Variants in TIA1 observed in about 807,000 individuals in gnomAD.
TIA1 encodes cytotoxic granule associated RNA binding protein TIA1.
TIA1 carries 23 observed loss-of-function variants against 65.9 expected under a neutral mutation model. The observed-to-expected ratio is 0.35, with a 90% CI of 0.25 to 0.49. TIA1 has a LOEUF of 0.49. Ranked by LOEUF, TIA1 falls within the 20% of genes least tolerant of loss-of-function variation. The probability of loss-of-function intolerance (pLI) is 0.98; values close to 1 mark genes in which losing one functional copy is unlikely to be tolerated. For synonymous variants in TIA1, 147 were observed against 149.4 expected (o/e 0.98, Z 0.12); for missense variants, 371 against 477.9 (o/e 0.78, Z 2.09).
chr2:70,233,519 A>G (rs1306754994), intron 2 of TIA1, among the ~76,000 whole-genome samples: 1 of 152,198 alleles, frequency 6.6e-6, no homozygotes, highest in African/African-American at 2.4e-5. Flanking sequence ...CTGTAATCCC[A>G]GCACTTTGGG....
intron 2 of TIA1, among the ~76,000 whole-genome samples, chr2:70,235,569 T>TGTGTGTGC (rs1688515425): frequency 6.6e-6 from 1 of 151,806 alleles, no homozygotes; most frequent in African/African-American, 2.4e-5. Flanking sequence ...TGTGTGTGTG[T>TGTGTGTGC]GTATGTGTGT....
chr2:70,245,852 CAG>C, intron 1 of TIA1, among the ~76,000 whole-genome samples: 1 of 151,460 alleles, frequency 6.6e-6, no homozygotes, highest in Middle Eastern at 3.4e-3. Context: ...GATAAAAATT[CAG>C]ACTCTATTTT....
At chr2:70,236,292 G>T in intron 1 of TIA1, 117 bp from the exon 2 acceptor site, 1 of 591,466 alleles carries the variant, frequency 1.7e-6, no homozygotes, top group Non-Finnish European at 3.0e-6. Flanking sequence ...TCCGCCTCCA[G>T]GGTTCAAGTG....
At chr2:70,243,945 T>C (rs535142817) in intron 1 of TIA1, among the ~76,000 whole-genome samples, 5 of 152,346 alleles carry the variant, frequency 3.3e-5, no homozygotes, top group Admixed American at 1.3e-4. Context: ...AAGGTTAAGA[T>C]AGGCTATACC....
Position 70,216,003 on chromosome 2 carries a change from C to T in TIA1, c.764+205G>A, listed in dbSNP as rs574265192. On this transcript the variant is annotated intron_variant, in intron 10 of 12. Coordinates refer to ENST00000433529, the MANE Select transcript of TIA1 (RefSeq NM_022173.4). ...ACTCATGACGGTGATCCACCCGTCTCGGCCTCCCAAAGTGCTGGGAATACA... is the reference window on the plus strand; with the variant it reads ...ACTCATGACGGTGATCCACCCGTCTTGGCCTCCCAAAGTGCTGGGAATACA... 120 of 524,522 alleles carry T rather than the reference C, an allele frequency of 2.3e-4. No homozygotes were observed. The East Asian group carries it at 3.9e-3, about 17-fold the overall frequency. 32.5% of individuals were successfully genotyped at this position (524,522 alleles called of 1,614,324 possible). A position where few individuals can be genotyped will look rare whatever the true frequency, so the allele number is the denominator to read the frequency against.
chr2:70,214,417 A>T lies in TIA1; in HGVS notation c.966T>A (p.Tyr322Ter). 1 of 1,614,092 alleles carries T rather than the reference A, an allele frequency of 6.2e-7. No homozygotes were observed. The highest frequency in any genetic ancestry group is 8.5e-7 in the Non-Finnish European group (1 of 1,179,996). ...CAGGAACTTGCCAACCATTAGGCAT[A>T]TACTGGCCAATTTGTTGTGCATTTC... The part of the protein sequence containing the change: ...WYGNAQQIGQ[Y>*]MPNGWQVPAY... Residue 322 changes from tyrosine to a stop codon, truncating the protein, a stop_gained, in exon 12 of 13, where the codon TAT becomes TAA. Transcript: ENST00000433529. LOFTEE classifies it high-confidence loss of function.
intron 7 of TIA1, among the ~76,000 whole-genome samples, chr2:70,218,687 C>A (rs1391623949): frequency 6.6e-6 from 1 of 152,228 alleles, no homozygotes; most frequent in African/African-American, 2.4e-5. Context: ...CCTGCCTTGG[C>A]TTCCCAAAGT....
At chr2:70,223,914 A>G (rs999731069) in intron 7 of TIA1, among the ~76,000 whole-genome samples, 2 of 151,042 alleles carry the variant, frequency 1.3e-5, no homozygotes, top group African/African-American at 4.9e-5. Flanking sequence ...CCATCACAGT[A>G]TTTTTATTTA....
chr2:70,225,076 T>C, intron 6 of TIA1: 1 of 986,294 alleles, frequency 1.0e-6, no homozygotes, highest in Non-Finnish European at 1.2e-6. Context: ...AAGTTGTATA[T>C]TCCCTAAACT....
At chr2:70,246,308 T>C (rs1301147623) in intron 1 of TIA1, among the ~76,000 whole-genome samples, 1 of 152,232 alleles carries the variant, frequency 6.6e-6, no homozygotes, top group Non-Finnish European at 1.5e-5. Flanking sequence ...GTGTTTTTAA[T>C]GTGCTAAGAA....
chr2:70,241,658 G>C (rs186909418), intron 1 of TIA1, among the ~76,000 whole-genome samples: 1 of 151,820 alleles, frequency 6.6e-6, no homozygotes, highest in Admixed American at 6.6e-5. Flanking sequence ...CCAAAGTGTC[G>C]GTAGGGTGTG....
Position 70,212,687 on chromosome 2 carries a change from A to C in TIA1, c.*32T>G. 1 of 1,419,906 alleles carries C rather than the reference A, an allele frequency of 7.0e-7. No homozygotes were observed. The highest frequency in any genetic ancestry group is 1.0e-6 in the Non-Finnish European group (1 of 1,003,002). The allele number at this position is 1,419,906 out of a possible 1,614,324, so 88.0% of individuals were successfully genotyped here. ...GCTTTACTACACTCCCTGTAGCCTC[A>C]AGCCACTGGCTTTAGATTCTGGAGT... On this transcript the variant is annotated 3_prime_UTR_variant, in exon 13 of 13. Transcript: ENST00000433529.
intron 1 of TIA1, among the ~76,000 whole-genome samples, chr2:70,241,645 C>A (rs1490951465): frequency 6.6e-6 from 1 of 151,622 alleles, no homozygotes; most frequent in African/African-American, 2.4e-5. Flanking sequence ...AAACAGTACC[C>A]TTCCAAAGTG....
rs577691987 is a variant in TIA1, at chr2:70,213,401, T to A, written c.1035-556A>T. ...TTGTGTCACCCAGGCTGGAGTACAG[T>A]GGTATGATCTCAGCTCACTGCAACC... is the stretch of plus-strand genomic sequence containing the variant. On this transcript the variant is annotated intron_variant, in intron 12 of 12. Transcript: ENST00000433529. Among the ~76,000 whole-genome samples, 6 of 151,340 alleles carry A rather than the reference T, an allele frequency of 4.0e-5. No homozygotes were observed. In the South Asian group the frequency reaches 1.3e-3, roughly 32 times the overall value.
chr2:70,236,585 T>A (rs1348431868), intron 1 of TIA1, among the ~76,000 whole-genome samples: 3 of 151,892 alleles, frequency 2.0e-5, no homozygotes, highest in African/African-American at 4.8e-5. Flanking sequence ...CTTGGTCCCC[T>A]GAGTAACGGA....
intron 5 of TIA1, chr2:70,228,453 T>C: frequency 7.8e-7 from 1 of 1,282,338 alleles, no homozygotes; most frequent in Non-Finnish European, 1.0e-6. Context: ...CATGTGCAAG[T>C]GAACTAAGAC....
chr2:70,217,059 C>A, intron 7 of TIA1, 65 bp from the exon 8 acceptor site: 1 of 1,470,856 alleles, frequency 6.8e-7, no homozygotes, highest in Non-Finnish European at 9.0e-7. Context: ...CAACTCTTAG[C>A]AGTAGAGAAA....
intron 8 of TIA1, 102 bp downstream of exon 8, chr2:70,216,784 A>G: frequency 6.2e-7 from 1 of 1,606,504 alleles, no homozygotes; most frequent in Non-Finnish European, 8.5e-7. Flanking sequence ...TTTGCTTCTC[A>G]TCTATTTCTG....
intron 1 of TIA1, among the ~76,000 whole-genome samples, chr2:70,241,715 G>T (rs989074758): frequency 4.6e-5 from 7 of 152,120 alleles, no homozygotes; most frequent in African/African-American, 1.4e-4. Flanking sequence ...CGAGGTGAGA[G>T]ATTCACTTGA....
Sources: gnomAD v4.1 joint callset for allele counts (sites outside exome capture counted in the v4.1 genomes callset) on GRCh38, gnomAD v4.1.1 for gene constraint, MANE v1.5 for transcripts, NCBI Gene and HGNC (gene_info 2026-07-23, HGNC 2026-07-21) for gene names.